The following DEPDC5 variants were observed in gnomAD, a reference collection of about 807,000 sequenced individuals.
DEPDC5 encodes the protein DEP domain containing 5, GATOR1 subcomplex subunit.
A neutral mutation model predicts 217.3 loss-of-function variants in DEPDC5; 73 were observed. The ratio of observed to expected loss-of-function variants is 0.34; its 90% CI spans 0.28 to 0.41. DEPDC5 has a LOEUF of 0.41. DEPDC5 is among the 10% of genes least tolerant of loss of function. DEPDC5 has a pLI of 1.00. For missense variants in DEPDC5, 1,675 were observed against 2,070.1 expected (o/e 0.81, Z 3.70); for synonymous variants, 733 against 756.7 (o/e 0.97, Z 0.51).
At chr22:31,878,572 GTGTGGT>G (rs946319536) in intron 37 of DEPDC5, among the ~76,000 whole-genome samples, 4 of 151,792 alleles carry the variant, frequency 2.6e-5, no homozygotes, top group Non-Finnish European at 4.4e-5. Context: ...AATTGGCTGG[GTGTGGT>G]TGTACATGCT....
chr22:31,848,296 T>C (rs2091855775), intron 31 of DEPDC5, among the ~76,000 whole-genome samples: 1 of 152,190 alleles, frequency 6.6e-6, no homozygotes, highest in South Asian at 2.1e-4. Flanking sequence ...TTCTCACAGC[T>C]CCACTAGGCA....
chr22:31,866,593 C>G (rs2092695690), intron 33 of DEPDC5, among the ~76,000 whole-genome samples: 2 of 152,184 alleles, frequency 1.3e-5, no homozygotes, highest in African/African-American at 4.8e-5. Flanking sequence ...ACCATGTTGG[C>G]CAGGATGGTC....
chr22:31,800,307 AAG>A (rs2086736401), intron 14 of DEPDC5, among the ~76,000 whole-genome samples: 1 of 152,090 alleles, frequency 6.6e-6, no homozygotes, highest in African/African-American at 2.4e-5. Flanking sequence ...GCCCCTATTC[AAG>A]ATGGAGTTGC....
At position 31,879,101 on chromosome 22, in the gene DEPDC5, T is replaced by C. The variant is rs991484114; in HGVS notation, c.3806-424T>C. On this transcript the variant is annotated intron_variant, in intron 37 of 42. Coordinates refer to ENST00000651528, the MANE Select transcript of DEPDC5 (RefSeq NM_001242896.3). ...ACACACGTATATATATATACACATA[T>C]ATATACATATATATACACATATATA... Among the ~76,000 whole-genome samples, 5 of 132,090 alleles carry C rather than the reference T, an allele frequency of 3.8e-5. No individual in the cohort carries two copies. The South Asian group carries it at 6.6e-4, about 17-fold the overall frequency. 86.7% of individuals were successfully genotyped at this position (132,090 alleles called of 152,430 possible). A position where few individuals can be genotyped will look rare whatever the true frequency, so the allele number is the denominator to read the frequency against.
chr22:31,867,404 A>G (rs1354925367), intron 33 of DEPDC5, among the ~76,000 whole-genome samples: 1 of 152,246 alleles, frequency 6.6e-6, no homozygotes, highest in Non-Finnish European at 1.5e-5. Context: ...CTCTGTTCCA[A>G]GACTCATAGT....
At chr22:31,879,792 TG>T (rs1168576447) in intron 38 of DEPDC5, 40 bp downstream of exon 38, 8 of 1,575,652 alleles carry the variant, frequency 5.1e-6, no homozygotes, top group Non-Finnish European at 6.9e-6. Context: ...GGTGTGCCAG[TG>T]GGTGGCTGCG....
chr22:31,868,144 A>AT (rs1244448190), intron 33 of DEPDC5, among the ~76,000 whole-genome samples: 2 of 152,092 alleles, frequency 1.3e-5, no homozygotes, highest in Non-Finnish European at 2.9e-5. Flanking sequence ...TATTATTGTT[A>AT]TTTTTTTAAC....
At chr22:31,826,510 C>T (rs539464120) in intron 24 of DEPDC5, 1 of 423,502 alleles carries the variant, frequency 2.4e-6, no homozygotes. Flanking sequence ...TATGCTTCTT[C>T]CCTGTCTTTA....
intron 8 of DEPDC5, among the ~76,000 whole-genome samples, chr22:31,781,109 G>T (rs914228093): frequency 1.3e-5 from 2 of 151,954 alleles, no homozygotes; most frequent in African/African-American, 4.8e-5. Flanking sequence ...CCAGCTACTT[G>T]GGAGGCTGAG....
At chr22:31,847,112 A>ACACC in intron 31 of DEPDC5, 145 bp downstream of exon 31, 5 of 1,177,108 alleles carry the variant, frequency 4.2e-6, no homozygotes, top group South Asian at 1.5e-5. Context: ...AGGAAGGCTA[A>ACACC]TACCTGGTAG....
At chr22:31,766,750 A>T (rs1422960410) in intron 6 of DEPDC5, 82 bp downstream of exon 6, 1 of 1,315,518 alleles carries the variant, frequency 7.6e-7, no homozygotes, top group Non-Finnish European at 1.1e-6. Context: ...AAGAATATAA[A>T]ATCGTTTCTG....
chr22:31,906,819 T>G lies in DEPDC5; in HGVS notation c.*322T>G. ...GAAGAGGGCAGGCGGCCCCCATGAATGTCCTCGGAAGGGGGTGGCTCCTGG... is the reference window on the plus strand; with the variant it reads ...GAAGAGGGCAGGCGGCCCCCATGAAGGTCCTCGGAAGGGGGTGGCTCCTGG... On this transcript the variant is annotated 3_prime_UTR_variant, in exon 43 of 43. Coordinates refer to ENST00000651528, the MANE Select transcript of DEPDC5 (RefSeq NM_001242896.3). The surrounding 1 kb of genome is among the most constrained non-coding windows in gnomAD (Gnocchi z 5.1). The G allele has an allele frequency of 2.3e-6, 1 of 438,508 alleles. No individual in the cohort carries two copies. The highest frequency in any genetic ancestry group is 4.1e-6 in the Non-Finnish European group (1 of 242,236). 27.2% of individuals were successfully genotyped at this position (438,508 alleles called of 1,614,324 possible). A position where few individuals can be genotyped will look rare whatever the true frequency, so the allele number is the denominator to read the frequency against.
At chr22:31,857,605 T>C (rs1408439675) in intron 32 of DEPDC5, 52 bp downstream of exon 32, 2 of 1,474,456 alleles carry the variant, frequency 1.4e-6, no homozygotes, top group South Asian at 2.4e-5. Context: ...AGAGACTCAG[T>C]GTGGAGGGTA....
chr22:31,768,084 G>T (rs1403945175), intron 6 of DEPDC5, among the ~76,000 whole-genome samples: 2 of 144,780 alleles, frequency 1.4e-5, no homozygotes, highest in South Asian at 2.2e-4. Flanking sequence ...TATTTTAATT[G>T]TTTTTTTTTT....
intron 33 of DEPDC5, among the ~76,000 whole-genome samples, chr22:31,863,858 G>A (rs1165691166): frequency 2.0e-5 from 3 of 151,800 alleles, no homozygotes; most frequent in Admixed American, 1.3e-4. Flanking sequence ...AGGAAGCAGA[G>A]GTTGCAGTGA....
intron 39 of DEPDC5, chr22:31,894,362 C>G (rs1002004162): frequency 5.9e-5 from 9 of 151,556 alleles, no homozygotes; most frequent in African/African-American, 2.2e-4. Flanking sequence ...ATAAATCTGC[C>G]TTGGGATTTT....
chr22:31,804,774 A>G, intron 16 of DEPDC5, 68 bp from the exon 17 acceptor site: 1 of 1,504,758 alleles, frequency 6.6e-7, no homozygotes, highest in South Asian at 1.2e-5. Context: ...GAAAAACAGA[A>G]AAGTTAGAGC....
chr22:31,779,718 C>T (rs2148347245), intron 8 of DEPDC5, among the ~76,000 whole-genome samples: 1 of 152,314 alleles, frequency 6.6e-6, no homozygotes, highest in East Asian at 1.9e-4. Flanking sequence ...CAACTTTTCT[C>T]TGTCATGTAA....
Position 31,879,635 on chromosome 22 carries a change from T to C in DEPDC5, c.3916T>C (p.Ser1306Pro). 6.2e-7 allele frequency: 1 copy of C among 1,614,090 alleles called. No individual in the cohort carries two copies. The highest frequency in any genetic ancestry group is 8.5e-7 in the Non-Finnish European group (1 of 1,180,014). ...VAFVAEELVHSEIPAFLLPWL... is the reference protein window; with the variant it reads ...VAFVAEELVHPEIPAFLLPWL... The stretch of plus-strand genomic sequence containing the variant: ...CTTTGTGGCAGAAGAGCTCGTGCAC[T>C]CTGAGATTCCTGCCTTTCTCCTGCC... The change falls in exon 38 of 43, where the codon TCT becomes CCT. Residue 1306 changes from serine to proline, a missense_variant. Ser to Pro is a moderately conservative substitution (Grantham distance 74). Transcript: ENST00000651528.
Sources: gnomAD v4.1 joint callset for allele counts (sites outside exome capture counted in the v4.1 genomes callset) on GRCh38, gnomAD v4.1.1 for gene constraint, Gnocchi (gnomAD v3.1) non-coding constraint, MANE v1.5 for transcripts, NCBI Gene and HGNC (gene_info 2026-07-23, HGNC 2026-07-21) for gene names.